The following SLC4A4 variants were observed in gnomAD, a reference collection of about 807,000 sequenced individuals.
SLC4A4 encodes the protein solute carrier family 4 member 4.
Under a neutral mutation model 111.5 loss-of-function variants are expected in SLC4A4, and 27 were observed. The ratio of observed to expected loss-of-function variants is 0.24; its 90% CI spans 0.18 to 0.33. The LOEUF is 0.33. Ranked by LOEUF, SLC4A4 falls within the 10% of genes least tolerant of loss-of-function variation. SLC4A4 has a pLI of 1.00. For missense variants in SLC4A4, 909 were observed against 1,315.5 expected (o/e 0.69, Z 4.78); for synonymous variants, 443 against 463.4 (o/e 0.96, Z 0.57).
chr4:71,520,699 G>A (rs932911054), intron 16 of SLC4A4, among the ~76,000 whole-genome samples: 6 of 152,096 alleles, frequency 3.9e-5, no homozygotes, highest in Admixed American at 6.5e-5. Flanking sequence ...TTACAAATTA[G>A]CAAAAAATAA....
At chr4:71,199,258 T>G (rs1746144276) in intron 1 of SLC4A4, among the ~76,000 whole-genome samples, 1 of 152,224 alleles carries the variant, frequency 6.6e-6, no homozygotes, top group Non-Finnish European at 1.5e-5. Flanking sequence ...TGGAAGGCAC[T>G]AGTGTAAATG....
chr4:71,365,246 C>G (rs1057461012), intron 6 of SLC4A4, among the ~76,000 whole-genome samples: 1 of 152,110 alleles, frequency 6.6e-6, no homozygotes, highest in African/African-American at 2.4e-5. Context: ...TCTTCATTCC[C>G]CTTTCCTGGA....
At chr4:71,347,696 GT>G (rs1553895328) in intron 4 of SLC4A4, among the ~76,000 whole-genome samples, 1 of 151,576 alleles carries the variant, frequency 6.6e-6, no homozygotes, top group Non-Finnish European at 1.5e-5. Flanking sequence ...GTGAGGCTTA[GT>G]TTTTTTTTAA....
intron 7 of SLC4A4, chr4:71,437,184 A>G (rs926050522): frequency 2.3e-6 from 1 of 428,144 alleles, no homozygotes; most frequent in African/African-American, 2.1e-5. Context: ...CACTCCACAC[A>G]GGAATACTTG....
rs1232716865 is a variant in SLC4A4, at chr4:71,350,046, A to T, written c.524A>T (p.Glu175Val). The T allele has an allele frequency of 1.2e-6, 2 of 1,614,062 alleles. No individual in the cohort carries two copies. Among genetic ancestry groups the T allele is most frequent in the Non-Finnish European group, 1.7e-6 (2 of 1,179,990 alleles). Reference sequence around the variant, plus strand: ...AAAGGATCCATCATGCTTGATCGGGAGGCTTCTTCTCTCCCACAGTTGGTG... The same window carrying T: ...AAAGGATCCATCATGCTTGATCGGGTGGCTTCTTCTCTCCCACAGTTGGTG... ...MEKGSIMLDR[E>V]ASSLPQLVEM... Residue 175 changes from glutamate (E) to valine (V), a missense_variant, in exon 5 of 26, where the codon GAG becomes GTG. By Grantham distance (121) the Glu-to-Val change is moderately radical. Around this residue, in one of 7 missense-constraint regions of SLC4A4, gnomAD observed 312 missense variants for 402.0 expected, o/e 0.78. Coordinates refer to ENST00000264485, the MANE Select transcript of SLC4A4 (RefSeq NM_001098484.3).
chr4:71,090,272 C>G (rs1742347181), intron 1 of SLC4A4, among the ~76,000 whole-genome samples: 1 of 152,126 alleles, frequency 6.6e-6, no homozygotes, highest in African/African-American at 2.4e-5. Flanking sequence ...GGGAGTGACC[C>G]AATTTTCCAG....
At position 71,450,421 on chromosome 4, in the gene SLC4A4, C is replaced by A. The variant is rs1283943265; in HGVS notation, c.1086C>A (p.Asp362Glu). ...VFHDIAYKAKDRHDLIAGIDE... is the reference protein window; with the variant it reads ...VFHDIAYKAKERHDLIAGIDE... ...ATGACATTGCTTATAAAGCAAAAGA[C>A]AGGCACGACCTGATTGCTGGTATTG... The change falls in exon 10 of 26, where the codon GAC becomes GAA. Residue 362 changes from aspartate to glutamate, a missense_variant. Physicochemically the swap from Asp to Glu is conservative, Grantham distance 45. Around this residue, in one of 7 missense-constraint regions of SLC4A4, gnomAD observed 312 missense variants for 402.0 expected, o/e 0.78. Coordinates refer to ENST00000264485, the MANE Select transcript of SLC4A4 (RefSeq NM_001098484.3). The A allele has an allele frequency of 1.9e-6, 3 of 1,612,132 alleles. No homozygotes were observed. Among genetic ancestry groups the A allele is most frequent in the African/African-American group, 1.3e-5 (1 of 74,996 alleles).
intron 16 of SLC4A4, among the ~76,000 whole-genome samples, chr4:71,504,538 A>G (rs1325269300): frequency 6.6e-6 from 1 of 150,970 alleles, no homozygotes; most frequent in Non-Finnish European, 1.5e-5. Flanking sequence ...TTCTGATTTC[A>G]CTGAATTGTT....
At chr4:71,208,702 C>T (rs1717945177) in intron 1 of SLC4A4, among the ~76,000 whole-genome samples, 1 of 151,644 alleles carries the variant, frequency 6.6e-6, no homozygotes, top group African/African-American at 2.4e-5. Context: ...TTATTGTTGT[C>T]ATCTGGACTC....
upstream of SLC4A4, among the ~76,000 whole-genome samples, chr4:71,182,839 A>G (rs999805513): frequency 7.2e-5 from 11 of 152,126 alleles, no homozygotes; most frequent in Admixed American, 3.3e-4. Context: ...AACCAGACCA[A>G]TCTTTTAAAT....
chr4:71,301,661 C>T (rs1455022343), intron 3 of SLC4A4, among the ~76,000 whole-genome samples: 2 of 152,238 alleles, frequency 1.3e-5, no homozygotes, highest in African/African-American at 2.4e-5. Context: ...ATGTCATCTC[C>T]ATGTTGGGCA....
chr4:71,113,116 A>G (rs16845777), intron 2 of SLC4A4, among the ~76,000 whole-genome samples: 23,844 of 152,176 alleles, frequency 0.16, 2,188 homozygotes, highest in East Asian at 0.27. Context: ...GAGCTTGACC[A>G]TAATGAAGAA....
At chr4:71,275,482 G>A (rs60157368) in intron 3 of SLC4A4, among the ~76,000 whole-genome samples, 4,757 of 152,234 alleles carry the variant, frequency 0.031, 250 homozygotes, top group African/African-American at 0.11. Context: ...TGGTGACAGG[G>A]GGTGATGGTT....
At chr4:71,347,813 G>A (rs936758968) in intron 4 of SLC4A4, among the ~76,000 whole-genome samples, 15 of 152,016 alleles carry the variant, frequency 9.9e-5, no homozygotes, top group Admixed American at 7.9e-4. Context: ...CCCTTTACAG[G>A]GCTTCTAGCT....
intron 3 of SLC4A4, among the ~76,000 whole-genome samples, chr4:71,263,856 A>T (rs1485744715): frequency 6.6e-6 from 1 of 152,180 alleles, no homozygotes; most frequent in Non-Finnish European, 1.5e-5. Flanking sequence ...GAAAACATGA[A>T]GGTAAGTGTT....
chr4:71,363,596 A>G (rs1265022281), intron 6 of SLC4A4, among the ~76,000 whole-genome samples: 1 of 152,290 alleles, frequency 6.6e-6, no homozygotes, highest in African/African-American at 2.4e-5. Context: ...GCCGGCCATC[A>G]TGCTTCTCTA....
intron 2 of SLC4A4, among the ~76,000 whole-genome samples, chr4:71,140,230 G>A (rs1004058398): frequency 1.2e-4 from 18 of 152,044 alleles, no homozygotes; most frequent in African/African-American, 4.1e-4. Flanking sequence ...GACCAGCCTG[G>A]GCAACATGGT....
At chr4:71,103,438 A>G (rs1742818729) in intron 2 of SLC4A4, among the ~76,000 whole-genome samples, 1 of 152,154 alleles carries the variant, frequency 6.6e-6, no homozygotes, top group Non-Finnish European at 1.5e-5. Context: ...ACATCTACAG[A>G]ACTCTCCACC....
intron 15 of SLC4A4, among the ~76,000 whole-genome samples, chr4:71,495,756 A>G (rs765480252): frequency 6.6e-6 from 1 of 152,108 alleles, no homozygotes; most frequent in Non-Finnish European, 1.5e-5. Context: ...GGAGAAATTT[A>G]TCTTTCCACA....
Sources: gnomAD v4.1 joint callset for allele counts (sites outside exome capture counted in the v4.1 genomes callset) on GRCh38, gnomAD v4.1.1 for gene constraint, gnomAD v4.1.1 regional missense constraint, MANE v1.5 for transcripts, NCBI Gene and HGNC (gene_info 2026-07-23, HGNC 2026-07-21) for gene names.